The following MBP variants were observed in gnomAD, a reference collection of about 807,000 sequenced individuals.
The protein encoded by MBP is myelin basic protein.
In MBP, 16 loss-of-function variants were observed where a neutral mutation model predicts 35.8. That is an observed-to-expected ratio of 0.45 (90% confidence interval 0.30 to 0.68). The LOEUF (loss-of-function observed/expected upper bound fraction) is 0.68, where lower values mean the gene tolerates loss of function less well. MBP is among the 30% of genes least tolerant of loss of function. The pLI is 0.08. For missense variants in MBP, 380 were observed against 404.7 expected (o/e 0.94, Z 0.52); for synonymous variants, 143 against 159.6 (o/e 0.90, Z 0.78).
chr18:77,119,091 G>A (rs1030761834), intron 1 of MBP, among the ~76,000 whole-genome samples: 1 of 152,162 alleles, frequency 6.6e-6, no homozygotes, highest in African/African-American at 2.4e-5. Flanking sequence ...GACCACAGTT[G>A]GTCCCACAGG....
At chr18:77,024,714 C>T (rs1201076836) in intron 3 of MBP, among the ~76,000 whole-genome samples, 2 of 152,214 alleles carry the variant, frequency 1.3e-5, no homozygotes, top group Non-Finnish European at 1.5e-5. Context: ...AGGCCAGGGC[C>T]GGAGGTCTGG....
Position 77,044,506 on chromosome 18 carries a change from T to C in MBP, c.139+21792A>G, listed in dbSNP as rs1035138826. On this transcript the variant is annotated intron_variant, in intron 3 of 8. Coordinates refer to ENST00000355994, the MANE Select transcript of MBP (RefSeq NM_001025101.2). The surrounding 1 kb of genome is among the most constrained non-coding windows in gnomAD (Gnocchi z 4.4). ...GCCACTCTCCCTGTACAGGCCTTCC[T>C]GACCCCTCGTCCCTGGAAAGCCCTC... 6.6e-6 allele frequency among the ~76,000 whole-genome samples: 1 copy of C among 152,134 alleles called. No individual in the cohort carries two copies. Among genetic ancestry groups the C allele is most frequent in the African/African-American group, 2.4e-5 (1 of 41,440 alleles).
At chr18:77,046,484 T>C (rs1973263313) in intron 3 of MBP, among the ~76,000 whole-genome samples, 1 of 152,234 alleles carries the variant, frequency 6.6e-6, no homozygotes. Context: ...TGGGCCTGGT[T>C]CCTCAAGCAC....
At chr18:77,114,045 A>T (rs1976566432) in intron 1 of MBP, 1 of 152,188 alleles carries the variant, frequency 6.6e-6, no homozygotes, top group African/African-American at 2.4e-5. Context: ...ATTTGCATTC[A>T]CCCATGTAAG....
intron 3 of MBP, among the ~76,000 whole-genome samples, chr18:77,021,153 G>C (rs1261393498): frequency 6.6e-6 from 1 of 152,136 alleles, no homozygotes; most frequent in Admixed American, 6.5e-5. Flanking sequence ...GCAGCCTCTC[G>C]GGTGGAAGAT....
chr18:77,016,648 A>G, intron 4 of MBP, 184 bp downstream of exon 4: 1 of 1,420,002 alleles, frequency 7.0e-7, no homozygotes, highest in Non-Finnish European at 9.2e-7. Flanking sequence ...GAGTTAAACG[A>G]AAACGTCCTA....
chr18:77,023,909 G>C (rs1194038078), intron 3 of MBP, among the ~76,000 whole-genome samples: 2 of 152,194 alleles, frequency 1.3e-5, no homozygotes, highest in African/African-American at 4.8e-5. Flanking sequence ...CAGGGACCAG[G>C]CTCTGTTTAT....
chr18:77,077,534 G>T (rs1242241379), intron 2 of MBP, among the ~76,000 whole-genome samples: 1 of 152,116 alleles, frequency 6.6e-6, no homozygotes, highest in Non-Finnish European at 1.5e-5. Context: ...AATAACTCTA[G>T]ACACCTGTTA....
intron 2 of MBP, among the ~76,000 whole-genome samples, chr18:77,069,547 G>A (rs1349742301): frequency 4.6e-5 from 7 of 152,212 alleles, no homozygotes; most frequent in East Asian, 1.9e-4. Context: ...TCCCATTGGC[G>A]TGGGAAGCCC....
chr18:77,068,959 G>T lies in MBP; in HGVS notation c.52-2574C>A, dbSNP rs144890508. The T allele has an allele frequency of 1.1e-5, 5 of 467,008 alleles. No homozygotes were observed. In the Admixed American group the frequency reaches 1.1e-4, roughly 11 times the overall value. 28.9% of individuals were successfully genotyped at this position (467,008 alleles called of 1,614,324 possible). A position where few individuals can be genotyped will look rare whatever the true frequency, so the allele number is the denominator to read the frequency against. ...AGCTGAGCCTTGGGGGCCTCACCTCGGGGACTCTGACCTCACCTCGGGGCC... is the reference window on the plus strand; with the variant it reads ...AGCTGAGCCTTGGGGGCCTCACCTCTGGGACTCTGACCTCACCTCGGGGCC... On this transcript the variant is annotated intron_variant, in intron 2 of 8. Coordinates refer to ENST00000355994, the MANE Select transcript of MBP (RefSeq NM_001025101.2).
chr18:77,074,257 G>A (rs1974565097), intron 2 of MBP, among the ~76,000 whole-genome samples: 2 of 152,164 alleles, frequency 1.3e-5, no homozygotes, highest in South Asian at 2.1e-4. Flanking sequence ...TGATGGTGGG[G>A]TCAGAAGACA....
intron 3 of MBP, among the ~76,000 whole-genome samples, chr18:77,021,166 T>TA (rs1255088880): frequency 6.6e-6 from 1 of 152,214 alleles, no homozygotes; most frequent in Non-Finnish European, 1.5e-5. Context: ...TGGAAGATTC[T>TA]ACGTCTCTTG....
At chr18:76,985,326 C>G (rs537517867) in intron 7 of MBP, 8 of 1,292,510 alleles carry the variant, frequency 6.2e-6, no homozygotes, top group Non-Finnish European at 8.1e-6. Flanking sequence ...GTGTAGGTGC[C>G]GGTCCCCGGA....
At chr18:77,068,100 C>A (rs973594648) in intron 2 of MBP, among the ~76,000 whole-genome samples, 4 of 152,058 alleles carry the variant, frequency 2.6e-5, no homozygotes, top group African/African-American at 9.7e-5. Flanking sequence ...TGGGTAAGGT[C>A]CCCACCAACC....
At chr18:77,017,534 C>T (rs963995834) in intron 3 of MBP, 6 of 333,374 alleles carry the variant, frequency 1.8e-5, no homozygotes, top group Non-Finnish European at 3.3e-5. Context: ...CCGATGAAGT[C>T]ATCTGAGCAT....
chr18:77,124,876 T>G (rs988636258), intron 1 of MBP, among the ~76,000 whole-genome samples: 8 of 152,136 alleles, frequency 5.3e-5, no homozygotes, highest in African/African-American at 1.9e-4. Flanking sequence ...CCCATACAAA[T>G]TTTGTTCCTT....
At chr18:77,076,050 G>C (rs554991971) in intron 2 of MBP, among the ~76,000 whole-genome samples, 21 of 152,348 alleles carry the variant, frequency 1.4e-4, no homozygotes, top group South Asian at 8.3e-4. Context: ...AAAGAGCACT[G>C]TGAGTGTGAG....
At chr18:77,086,192 A>C (rs1207347304) in intron 2 of MBP, among the ~76,000 whole-genome samples, 1 of 152,238 alleles carries the variant, frequency 6.6e-6, no homozygotes, top group Non-Finnish European at 1.5e-5. Context: ...TCAGAACAGC[A>C]AATCTGTTCC....
In MBP at chr18:77,105,289, A is replaced by G. The variant is rs1976228788; in HGVS notation, c.-25-3T>C. 6.3e-7 allele frequency: 1 copy of G among 1,596,038 alleles called. No homozygotes were observed. The highest frequency in any genetic ancestry group is 8.6e-7 in the Non-Finnish European group (1 of 1,164,440). On this transcript the variant is annotated splice_polypyrimidine_tract_variant and splice_region_variant and intron_variant, in intron 1 of 8. Transcript: ENST00000355994. ...TGAATGGATTGGCTCTTCAGAGGCT[A>G]AAAGAGAAAGAGAAAGTGTCAGCCC...
Sources: allele counts gnomAD v4.1 joint callset (sites outside exome capture counted in the v4.1 genomes callset), GRCh38; gene constraint gnomAD v4.1.1; non-coding constraint Gnocchi (gnomAD v3.1); transcripts MANE v1.5; gene names NCBI Gene and HGNC (gene_info 2026-07-23, HGNC 2026-07-21).